SAMD12: variants seen among roughly 807,000 people sequenced by gnomAD.
The protein encoded by SAMD12 is sterile alpha motif domain-containing protein 12.
A neutral mutation model predicts 15.0 loss-of-function variants in SAMD12; 9 were observed. The observed-to-expected ratio is 0.60, with a 90% CI of 0.36 to 1.05. The LOEUF (loss-of-function observed/expected upper bound fraction) is 1.05. SAMD12 is among the 50% of genes least tolerant of loss of function. The pLI is 0.01. For synonymous variants in SAMD12, 86 were observed against 90.1 expected (o/e 0.96, Z 0.25); for missense variants, 230 against 234.2 (o/e 0.98, Z 0.12).
chr8:118,280,871 C>A (rs1813612719), intron 4 of SAMD12, among the ~76,000 whole-genome samples: 1 of 152,152 alleles, frequency 6.6e-6, no homozygotes. Flanking sequence ...TGCATGGGGG[C>A]AGGTATCTCC....
chr8:118,574,924 A>G (rs1159392322), intron 2 of SAMD12, among the ~76,000 whole-genome samples: 2 of 152,192 alleles, frequency 1.3e-5, no homozygotes, highest in African/African-American at 4.8e-5. Flanking sequence ...TCTATCCCTA[A>G]ATTGCAACAG....
chr8:118,578,992 T>C (rs1457596364), intron 2 of SAMD12, among the ~76,000 whole-genome samples: 9 of 152,176 alleles, frequency 5.9e-5, no homozygotes, highest in Admixed American at 2.6e-4. Flanking sequence ...CATTGAAGTA[T>C]GTTTTCAGCA....
chr8:118,503,622 A>AG (rs536853198), intron 2 of SAMD12, among the ~76,000 whole-genome samples: 19 of 152,302 alleles, frequency 1.2e-4, no homozygotes, highest in Non-Finnish European at 2.1e-4. Flanking sequence ...AAATTGAGAA[A>AG]GTGTTTTGAG....
chr8:118,500,930 T>C (rs754914948), intron 2 of SAMD12, among the ~76,000 whole-genome samples: 2 of 152,352 alleles, frequency 1.3e-5, no homozygotes. Flanking sequence ...CTCTAGTACA[T>C]TACAGGGTGT....
At chr8:118,152,193 A>G in the SAMD12 span, among the ~76,000 whole-genome samples, 1 of 152,190 alleles carries the variant, frequency 6.6e-6, no homozygotes, top group Admixed American at 6.5e-5. Context: ...TTACTCAGAG[A>G]AAGAAAGGCC....
At chr8:118,450,088 A>G (rs1823034256) in intron 2 of SAMD12, among the ~76,000 whole-genome samples, 1 of 152,178 alleles carries the variant, frequency 6.6e-6, no homozygotes. Flanking sequence ...CAGGCACCTC[A>G]TGGAGCTATT....
Position 118,501,853 on chromosome 8 carries a change from A to G in SAMD12, c.193-61892T>C, listed in dbSNP as rs577139691. Among the ~76,000 whole-genome samples the G allele has an allele frequency of 2.0e-4, 30 of 152,090 alleles. No homozygotes were observed. The East Asian group carries it at 3.9e-3, about 20-fold the overall frequency. ...AACACGGTGAAACCCTGTCTCTACT[A>G]AAAATACAAAAATATTAGCCGGGCG... is the stretch of plus-strand genomic sequence containing the variant. On this transcript the variant is annotated intron_variant, in intron 2 of 3. Coordinates refer to ENST00000314727, the MANE Select transcript of SAMD12 (RefSeq NM_207506.3).
intron 4 of SAMD12, among the ~76,000 whole-genome samples, chr8:118,354,355 CATCTT>C (rs1441601861): frequency 2.0e-5 from 3 of 152,212 alleles, no homozygotes; most frequent in Non-Finnish European, 4.4e-5. Flanking sequence ...AAGCCTCTCT[CATCTT>C]GTTTCCCTCA....
intron 4 of SAMD12, among the ~76,000 whole-genome samples, chr8:118,251,752 C>T (rs934286094): frequency 2.6e-5 from 4 of 152,038 alleles, no homozygotes; most frequent in African/African-American, 9.7e-5. Context: ...ATACCTAATT[C>T]ACAGCTGAAA....
At chr8:118,133,173 G>T in the SAMD12 span, among the ~76,000 whole-genome samples, 24 of 151,138 alleles carry the variant, frequency 1.6e-4, no homozygotes, top group Admixed American at 1.3e-4. Context: ...TCCTTCTAGA[G>T]TTCCTTATGA....
chr8:118,250,315 T>C (rs903216429), intron 4 of SAMD12, among the ~76,000 whole-genome samples: 3 of 152,112 alleles, frequency 2.0e-5, no homozygotes, highest in African/African-American at 7.2e-5. Flanking sequence ...ACTTTCCTAA[T>C]ATTAAGAATG....
At chr8:118,361,926 T>C (rs1002203482) in intron 4 of SAMD12, among the ~76,000 whole-genome samples, 2 of 152,212 alleles carry the variant, frequency 1.3e-5, no homozygotes, top group African/African-American at 4.8e-5. Flanking sequence ...TTAATAAATA[T>C]AAATGAATTC....
chr8:118,148,577 T>G, the SAMD12 span, among the ~76,000 whole-genome samples: 8 of 152,202 alleles, frequency 5.3e-5, no homozygotes, highest in Admixed American at 2.0e-4. Flanking sequence ...AGTGTATAAT[T>G]TAATGATTTT....
intron 1 of SAMD12, among the ~76,000 whole-genome samples, chr8:118,604,550 C>G (rs1003323756): frequency 2.6e-5 from 4 of 152,164 alleles, no homozygotes; most frequent in African/African-American, 7.2e-5. Flanking sequence ...GATGACTAAA[C>G]AGACCAGACC....
At chr8:118,294,896 T>G (rs1164154678) in intron 4 of SAMD12, among the ~76,000 whole-genome samples, 3 of 152,166 alleles carry the variant, frequency 2.0e-5, no homozygotes, top group Admixed American at 2.0e-4. Context: ...AAGACTGGGA[T>G]GTATTTTACT....
intron 2 of SAMD12, among the ~76,000 whole-genome samples, chr8:118,444,712 C>T (rs1033560525): frequency 6.6e-6 from 1 of 152,022 alleles, no homozygotes; most frequent in African/African-American, 2.4e-5. Flanking sequence ...TAATTAAATG[C>T]CTTAAAGAAG....
chr8:118,249,354 T>G (rs1812768552), intron 4 of SAMD12, among the ~76,000 whole-genome samples: 1 of 152,208 alleles, frequency 6.6e-6, no homozygotes, highest in Non-Finnish European at 1.5e-5. Flanking sequence ...ATCTCTAGAT[T>G]ATAATAAATA....
intron 3 of SAMD12, among the ~76,000 whole-genome samples, chr8:118,391,522 A>G (rs1431449566): frequency 2.6e-5 from 4 of 152,194 alleles, no homozygotes; most frequent in African/African-American, 9.7e-5. Context: ...TTGTGGTCAT[A>G]ACAACTAAAC....
intron 4 of SAMD12, among the ~76,000 whole-genome samples, chr8:118,292,983 A>G (rs1367240964): frequency 2.0e-5 from 3 of 151,958 alleles, no homozygotes; most frequent in Admixed American, 6.6e-5. Context: ...GCGCACCAGC[A>G]TGGCACATGT....
Sources: allele counts gnomAD v4.1 joint callset (sites outside exome capture counted in the v4.1 genomes callset), GRCh38; gene constraint gnomAD v4.1.1; transcripts MANE v1.5; gene names NCBI Gene and HGNC (gene_info 2026-07-23, HGNC 2026-07-21).